The following CAMK1D variants were observed in gnomAD, a reference collection of about 807,000 sequenced individuals.
CAMK1D encodes calcium/calmodulin dependent protein kinase ID.
A neutral mutation model predicts 47.7 loss-of-function variants in CAMK1D; 9 were observed. The ratio of observed to expected loss-of-function variants is 0.19; its 90% confidence interval spans 0.11 to 0.33. The LOEUF is 0.33. CAMK1D is among the 10% of genes least tolerant of loss of function. CAMK1D has a pLI of 1.00. For synonymous variants in CAMK1D, 184 were observed against 184.9 expected, an observed-to-expected ratio of 0.99 and a Z score of 0.04; for missense variants, 291 against 488.7, an observed-to-expected ratio of 0.60 and a Z score of 3.81.
chr10:12,407,636 AGAGCTGGTT>A (rs1261125908), intron 1 of CAMK1D, among the ~76,000 whole-genome samples: 1 of 152,228 alleles, frequency 6.6e-6, no homozygotes, highest in Non-Finnish European at 1.5e-5. Context: ...GGATGGAGAA[AGAGCTGGTT>A]GAGCTGGTTG....
At chr10:12,488,276 C>G (rs1323100141) in intron 1 of CAMK1D, among the ~76,000 whole-genome samples, 1 of 152,090 alleles carries the variant, frequency 6.6e-6, no homozygotes, top group Non-Finnish European at 1.5e-5. Flanking sequence ...GGTTAACACT[C>G]AGTGCTTCCC....
At chr10:12,701,211 C>G (rs1833505467) in intron 3 of CAMK1D, among the ~76,000 whole-genome samples, 1 of 151,724 alleles carries the variant, frequency 6.6e-6, no homozygotes, top group South Asian at 2.1e-4. Flanking sequence ...CTCCGGGGTT[C>G]AAGCGATTCT....
chr10:12,763,601 C>T (rs941247308), intron 4 of CAMK1D, among the ~76,000 whole-genome samples: 10 of 152,136 alleles, frequency 6.6e-5, no homozygotes, highest in Non-Finnish European at 1.2e-4. Context: ...CCCATGGATA[C>T]GAGTACTACG....
At chr10:12,429,439 A>C (rs1482173939) in intron 1 of CAMK1D, among the ~76,000 whole-genome samples, 1 of 152,064 alleles carries the variant, frequency 6.6e-6, no homozygotes, top group East Asian at 1.9e-4. Flanking sequence ...TCCAAGGCTC[A>C]AGCAATTCTC....
chr10:12,509,728 G>A (rs970558482), intron 1 of CAMK1D, among the ~76,000 whole-genome samples: 1 of 152,210 alleles, frequency 6.6e-6, no homozygotes, highest in African/African-American at 2.4e-5. Flanking sequence ...TCCAGTCTAG[G>A]TGACAGAAGG....
chr10:12,514,174 C>T (rs1835119399), intron 1 of CAMK1D, among the ~76,000 whole-genome samples: 1 of 152,192 alleles, frequency 6.6e-6, no homozygotes, highest in Non-Finnish European at 1.5e-5. Context: ...TGTGAATGCT[C>T]ATAGCAACCA....
intron 1 of CAMK1D, among the ~76,000 whole-genome samples, chr10:12,387,774 G>A (rs1442439480): frequency 1.3e-5 from 2 of 151,922 alleles, no homozygotes; most frequent in Non-Finnish European, 2.9e-5. Context: ...ACAGGCATGC[G>A]CTACCGTACC....
chr10:12,788,027 C>G (rs1445947520), intron 5 of CAMK1D, among the ~76,000 whole-genome samples: 3 of 152,068 alleles, frequency 2.0e-5, no homozygotes, highest in Non-Finnish European at 4.4e-5. Flanking sequence ...AGACACAACA[C>G]CAAAAAGAAC....
Position 12,651,097 on chromosome 10 carries a change from C to G in CAMK1D, c.225-15639C>G, listed in dbSNP as rs1475239872. 2.6e-5 allele frequency among the ~76,000 whole-genome samples: 4 copies of G among 152,188 alleles called. No homozygotes were observed. In the East Asian group the frequency reaches 7.7e-4, roughly 29 times the overall value. On this transcript the variant is annotated intron_variant, in intron 2 of 10. Transcript: ENST00000619168. ...ACTTTGCTCCCACCTCCTCCTTCCT[C>G]CCCGTGTTTCTTTACCCCTCCACTG...
chr10:12,390,203 A>G (rs1277123708), intron 1 of CAMK1D, among the ~76,000 whole-genome samples: 1 of 152,168 alleles, frequency 6.6e-6, no homozygotes, highest in Non-Finnish European at 1.5e-5. Context: ...GATTTGCACC[A>G]GTGGCCGAAG....
intron 1 of CAMK1D, among the ~76,000 whole-genome samples, chr10:12,491,728 A>T (rs545206385): frequency 6.7e-6 from 1 of 148,538 alleles, no homozygotes; most frequent in Non-Finnish European, 1.5e-5. Context: ...CTAATTGTTG[A>T]TAAAGTCATT....
rs566585314 is a variant in CAMK1D, at chr10:12,588,789, TAC to T, written c.224+35453_224+35454del. ...TTTAAAGTGCATATGTATATATATA[TAC>T]ACACACACACACACACACATACACA... On this transcript the variant is annotated intron_variant, in intron 2 of 10. Coordinates refer to ENST00000619168, the MANE Select transcript of CAMK1D (RefSeq NM_153498.4). Among the ~76,000 whole-genome samples the T allele has an allele frequency of 6.1e-3, 893 of 145,450 alleles. 4 individuals carry two copies. The highest frequency in any genetic ancestry group is 0.018 in the African/African-American group (701 of 38,574).
rs201637786 is a variant in CAMK1D, at chr10:12,666,722, A to G, written c.225-14A>G. On this transcript the variant is annotated splice_polypyrimidine_tract_variant and intron_variant, in intron 2 of 10. Coordinates refer to ENST00000619168, the MANE Select transcript of CAMK1D (RefSeq NM_153498.4). The stretch of plus-strand genomic sequence containing the variant: ...ATCATACTCACTATTTTGTGCGTCT[A>G]TTTTTTTTTTCAGGATTAAGCATGA... The G allele has an allele frequency of 1.6e-5, 22 of 1,407,990 alleles. No individual in the cohort carries two copies. The highest frequency in any genetic ancestry group is 7.8e-5 in the South Asian group (6 of 77,238). 87.2% of individuals were successfully genotyped at this position (1,407,990 alleles called of 1,614,324 possible). A position where few individuals can be genotyped will look rare whatever the true frequency, so the allele number is the denominator to read the frequency against.
At chr10:12,560,828 A>T (rs1836916546) in intron 2 of CAMK1D, among the ~76,000 whole-genome samples, 1 of 152,144 alleles carries the variant, frequency 6.6e-6, no homozygotes, top group African/African-American at 2.4e-5. Context: ...TTATGATGAC[A>T]CATAGGGAGG....
intron 1 of CAMK1D, among the ~76,000 whole-genome samples, chr10:12,360,753 T>G (rs1837634425): frequency 6.6e-6 from 1 of 152,166 alleles, no homozygotes; most frequent in Admixed American, 6.5e-5. Context: ...GCATTGAGGC[T>G]TTGGGGAATA....
At chr10:12,493,532 C>G (rs1834450955) in intron 1 of CAMK1D, among the ~76,000 whole-genome samples, 1 of 152,094 alleles carries the variant, frequency 6.6e-6, no homozygotes. Flanking sequence ...CTCTCTCTGT[C>G]ACCCGGGCTG....
intron 9 of CAMK1D, 36 bp from the exon 10 acceptor site, chr10:12,825,537 A>C: frequency 6.3e-7 from 1 of 1,597,008 alleles, no homozygotes; most frequent in Non-Finnish European, 8.5e-7. Context: ...GATTAGCTGA[A>C]ATATTTGTCT....
intron 2 of CAMK1D, among the ~76,000 whole-genome samples, chr10:12,559,971 C>G (rs1485568570): frequency 6.6e-6 from 1 of 152,142 alleles, no homozygotes; most frequent in Non-Finnish European, 1.5e-5. Context: ...GTTAGCACCT[C>G]TGTCATGGGA....
intron 2 of CAMK1D, among the ~76,000 whole-genome samples, chr10:12,581,913 T>C (rs1265307809): frequency 6.6e-6 from 1 of 152,210 alleles, no homozygotes; most frequent in East Asian, 1.9e-4. Flanking sequence ...TCTATTTATC[T>C]TTGTTTTTGT....
Sources: gnomAD v4.1 joint callset for allele counts (sites outside exome capture counted in the v4.1 genomes callset) on GRCh38, gnomAD v4.1.1 for gene constraint, MANE v1.5 for transcripts, NCBI Gene and HGNC (gene_info 2026-07-23, HGNC 2026-07-21) for gene names.